The following CNTN5 variants were observed in gnomAD, a reference collection of about 807,000 sequenced individuals.
The protein encoded by CNTN5 is contactin-5.
In CNTN5, 77 loss-of-function variants were observed where a neutral mutation model predicts 129.1. That is an observed-to-expected ratio of 0.60 (90% CI 0.50 to 0.72). The LOEUF is 0.72. CNTN5 is among the 30% of genes least tolerant of loss of function. The probability of loss-of-function intolerance (pLI) is 0.00; values close to 1 mark genes in which losing one functional copy is unlikely to be tolerated. For missense variants in CNTN5, 1,478 were observed against 1,328.8 expected (o/e 1.11, Z -1.75); for synonymous variants, 509 against 465.6 (o/e 1.09, Z -1.20).
intron 16 of CNTN5, among the ~76,000 whole-genome samples, chr11:100,254,624 T>G (rs1253931609): frequency 6.6e-6 from 1 of 152,200 alleles, no homozygotes; most frequent in Non-Finnish European, 1.5e-5. Flanking sequence ...AAAATGTCAT[T>G]TGCCCCAATG....
intron 9 of CNTN5, among the ~76,000 whole-genome samples, chr11:100,058,299 G>A (rs1943318772): frequency 6.6e-6 from 1 of 151,966 alleles, no homozygotes; most frequent in African/African-American, 2.4e-5. Flanking sequence ...GTATATGAAG[G>A]CAAATATAAT....
intron 1 of CNTN5, among the ~76,000 whole-genome samples, chr11:99,105,926 T>C (rs1306483625): frequency 1.3e-5 from 2 of 152,182 alleles, no homozygotes; most frequent in East Asian, 1.9e-4. Flanking sequence ...AAATAATTTC[T>C]ATTTAAGGAC....
chr11:99,255,747 ATATT>A (rs1340996343), intron 1 of CNTN5, among the ~76,000 whole-genome samples: 6 of 151,252 alleles, frequency 4.0e-5, no homozygotes, highest in South Asian at 2.1e-4. Context: ...TAATTTTGTA[ATATT>A]TATTTATATA....
At chr11:99,340,305 G>A (rs1437148233) in intron 2 of CNTN5, among the ~76,000 whole-genome samples, 1 of 152,136 alleles carries the variant, frequency 6.6e-6, no homozygotes, top group Non-Finnish European at 1.5e-5. Flanking sequence ...TGGAGTATAA[G>A]GAAGCTGAGT....
At chr11:100,098,998 T>A (rs1468518098) in intron 13 of CNTN5, among the ~76,000 whole-genome samples, 1 of 151,946 alleles carries the variant, frequency 6.6e-6, no homozygotes, top group Non-Finnish European at 1.5e-5. Flanking sequence ...ACAGAGCAGG[T>A]CCAGATTAAA....
At chr11:100,139,709 C>A (rs1946633089) in intron 13 of CNTN5, among the ~76,000 whole-genome samples, 1 of 151,930 alleles carries the variant, frequency 6.6e-6, no homozygotes, top group Non-Finnish European at 1.5e-5. Context: ...ACTGAAAATA[C>A]AAAAATTAGC....
chr11:99,609,298 C>T (rs1423060006), intron 3 of CNTN5, among the ~76,000 whole-genome samples: 1 of 152,174 alleles, frequency 6.6e-6, no homozygotes, highest in South Asian at 2.1e-4. Context: ...AAGTGGCAAG[C>T]AATTATTCTG....
intron 9 of CNTN5, among the ~76,000 whole-genome samples, chr11:100,051,738 C>A (rs1027268355): frequency 2.6e-5 from 4 of 151,538 alleles, no homozygotes; most frequent in African/African-American, 9.7e-5. Flanking sequence ...AAAATTTAAC[C>A]AATATCAATC....
chr11:99,883,964 A>G (rs982321695), intron 6 of CNTN5, among the ~76,000 whole-genome samples: 3 of 152,216 alleles, frequency 2.0e-5, no homozygotes, highest in Non-Finnish European at 4.4e-5. Flanking sequence ...TCTACCTTTT[A>G]AATCACTGGT....
intron 8 of CNTN5, among the ~76,000 whole-genome samples, chr11:99,980,816 T>C (rs1938283591): frequency 6.6e-6 from 1 of 151,968 alleles, no homozygotes; most frequent in South Asian, 2.1e-4. Flanking sequence ...ATTGATTCTT[T>C]TATGAAAGTG....
intron 1 of CNTN5, among the ~76,000 whole-genome samples, chr11:99,312,437 C>T (rs2135973416): frequency 6.6e-6 from 1 of 152,142 alleles, no homozygotes; most frequent in East Asian, 1.9e-4. Context: ...TGTAAATATT[C>T]AATAATAGTG....
At chr11:100,257,473 C>A (rs1472146376) in intron 17 of CNTN5, among the ~76,000 whole-genome samples, 1 of 152,166 alleles carries the variant, frequency 6.6e-6, no homozygotes, top group African/African-American at 2.4e-5. Flanking sequence ...GGTCCCTGAC[C>A]CCCATGCCTC....
chr11:99,910,044 A>G (rs1025052343), intron 6 of CNTN5, among the ~76,000 whole-genome samples: 1 of 152,132 alleles, frequency 6.6e-6, no homozygotes, highest in Non-Finnish European at 1.5e-5. Context: ...GATTAAAAAC[A>G]TTGTAAACCA....
chr11:99,263,746 A>G (rs985511339), intron 1 of CNTN5, among the ~76,000 whole-genome samples: 1 of 152,054 alleles, frequency 6.6e-6, no homozygotes, highest in Non-Finnish European at 1.5e-5. Flanking sequence ...CCCCACAAGT[A>G]GCTGGGACAA....
At chr11:99,702,728 G>A (rs1954576734) in intron 3 of CNTN5, among the ~76,000 whole-genome samples, 2 of 150,886 alleles carry the variant, frequency 1.3e-5, no homozygotes, top group Non-Finnish European at 3.0e-5. Context: ...TTATATCCAA[G>A]ATGTTTGATG....
At chr11:100,106,581 A>AACTT (rs1945439994) in intron 13 of CNTN5, among the ~76,000 whole-genome samples, 1 of 152,178 alleles carries the variant, frequency 6.6e-6, no homozygotes. Context: ...TTGTAAAGTG[A>AACTT]ACTTACAGTT....
At chr11:99,820,119 A>G (rs1946749504) in intron 4 of CNTN5, among the ~76,000 whole-genome samples, 1 of 150,972 alleles carries the variant, frequency 6.6e-6, no homozygotes, top group South Asian at 2.1e-4. Flanking sequence ...CTGGGTTATA[A>G]AAATGACAAG....
chr11:100,084,903 G>A (rs1372713770), intron 13 of CNTN5, among the ~76,000 whole-genome samples: 1 of 152,072 alleles, frequency 6.6e-6, no homozygotes, highest in Non-Finnish European at 1.5e-5. Flanking sequence ...CAGTAACTGA[G>A]TCTATGAAAT....
chr11:100,074,367 G>GC lies in CNTN5; in HGVS notation c.1580+74dup, dbSNP rs1016596036. ...GTTACAGGTGACACACACAAACTAT[G>GC]CAAGAAAGAGTCTTGCAGTACCGTG... On this transcript the variant is annotated intron_variant, in intron 13 of 24. Transcript: ENST00000524871. The GC allele has an allele frequency of 1.1e-5, 14 of 1,242,936 alleles. No homozygotes were observed. The African/African-American group carries it at 2.1e-4, about 19-fold the overall frequency. The allele number at this position is 1,242,936 out of a possible 1,614,324, so 77.0% of individuals were successfully genotyped here. A position where few individuals can be genotyped will look rare whatever the true frequency, so the allele number is the denominator to read the frequency against.
Sources: gnomAD v4.1 joint callset for allele counts (sites outside exome capture counted in the v4.1 genomes callset) on GRCh38, gnomAD v4.1.1 for gene constraint, MANE v1.5 for transcripts, NCBI Gene and HGNC (gene_info 2026-07-23, HGNC 2026-07-21) for gene names.